Variants in BRD8 observed in about 807,000 individuals in gnomAD.
BRD8 encodes bromodomain-containing protein 8.
BRD8 carries 67 observed loss-of-function variants against 143.1 expected under a neutral mutation model. That is an observed-to-expected ratio of 0.47 (90% CI 0.38 to 0.57). The LOEUF (loss-of-function observed/expected upper bound fraction) is 0.57. Ranked by LOEUF, BRD8 falls within the 20% of genes least tolerant of loss-of-function variation. The pLI is 0.00. For missense variants in BRD8, 1,103 were observed against 1,503.0 expected, an observed-to-expected ratio of 0.73 and a Z score of 4.40; for synonymous variants, 505 against 517.1, an observed-to-expected ratio of 0.98 and a Z score of 0.32.
intron 25 of BRD8, 64 bp from the exon 26 acceptor site, chr5:138,140,946 C>A: frequency 6.4e-7 from 1 of 1,553,342 alleles, no homozygotes; most frequent in South Asian, 1.1e-5. Context: ...GATAACCTAA[C>A]ACGTTCTCTT....
At chr5:138,156,400 A>C (rs1470583116) in intron 20 of BRD8, among the ~76,000 whole-genome samples, 2 of 152,134 alleles carry the variant, frequency 1.3e-5, no homozygotes, top group African/African-American at 4.8e-5. Flanking sequence ...GGCTTCCCAA[A>C]GTGCTGGGAT....
intron 1 of BRD8, among the ~76,000 whole-genome samples, chr5:138,178,256 T>C (rs1305192051): frequency 6.6e-6 from 1 of 152,180 alleles, no homozygotes; most frequent in Non-Finnish European, 1.5e-5. Flanking sequence ...AAAAAATGAA[T>C]GGCTCTTTGA....
Position 138,171,165 on chromosome 5 carries a change from G to A in BRD8, c.237-5C>T, listed in dbSNP as rs200280288. On this transcript the variant is annotated splice_region_variant and splice_polypyrimidine_tract_variant and intron_variant, in intron 4 of 26. Transcript: ENST00000254900. ...CCCTTTTCACCTCGTTTCCGTCTGT[G>A]GAAAATTGAAAAAAAAAAATTCATA... 54 of 1,597,160 alleles carry A rather than the reference G, an allele frequency of 3.4e-5. No individual in the cohort carries two copies. The African/African-American group carries it at 6.0e-4, about 18-fold the overall frequency.
At chr5:138,162,709 GA>G (rs1397256891) in intron 15 of BRD8, among the ~76,000 whole-genome samples, 10 of 150,460 alleles carry the variant, frequency 6.6e-5, no homozygotes, top group African/African-American at 2.2e-4. Context: ...TAAAAATAAA[GA>G]AAAAGGCCAG....
rs552596205 is a variant in BRD8 at position 138,152,749 on chromosome 5, C to T, written c.2589G>A (p.Glu863=). The T allele has an allele frequency of 1.9e-6, 3 of 1,613,166 alleles. No homozygotes were observed. The highest frequency in any genetic ancestry group is 3.3e-5 in the Admixed American group (2 of 59,994). The change falls in exon 21 of 27, where the codon GAG becomes GAA. Residue 863 remains glutamate, a synonymous_variant. Coordinates refer to ENST00000254900, the MANE Select transcript of BRD8 (RefSeq NM_139199.2). The part of the protein sequence containing the change: ...AFLLSLFMGH[E]WVWLDSEQDH... ...CTTGTTCAGAATCCAGCCAAACCCA[C>T]TCGTGTCCCATCTGTAAATACACAG...
At chr5:138,166,829 A>G in intron 9 of BRD8, 102 bp from the exon 10 acceptor site, 1 of 732,554 alleles carries the variant, frequency 1.4e-6, no homozygotes, top group Non-Finnish European at 2.4e-6. Context: ...TATGGTCTCA[A>G]AGGATGAGAG....
chr5:138,172,040 A>G (rs1185853160), intron 3 of BRD8, 25 bp downstream of exon 3: 1 of 1,604,964 alleles, frequency 6.2e-7, no homozygotes, highest in Middle Eastern at 1.7e-4. Flanking sequence ...GACTGCTCTA[A>G]AAGAGCCCTT....
At chr5:138,145,088 G>C (rs1188634555) in intron 25 of BRD8, 89 bp downstream of exon 25, 22 of 1,336,470 alleles carry the variant, frequency 1.6e-5, no homozygotes, top group Non-Finnish European at 2.2e-5. Context: ...GAGTTTGTAA[G>C]TTATAAAAAT....
chr5:138,141,501 C>T (rs1257496737), intron 25 of BRD8, among the ~76,000 whole-genome samples: 2 of 152,168 alleles, frequency 1.3e-5, no homozygotes, highest in African/African-American at 4.8e-5. Flanking sequence ...AGGCACACAG[C>T]CTGAATTCCA....
At chr5:138,169,397 T>C (rs1256634887) in intron 7 of BRD8, 39 bp from the exon 8 acceptor site, 2 of 1,603,852 alleles carry the variant, frequency 1.2e-6, no homozygotes, top group East Asian at 2.2e-5. Flanking sequence ...ATCTTCAAGA[T>C]TAAATAAATG....
At chr5:138,160,631 C>G (rs1752934006) in intron 18 of BRD8, among the ~76,000 whole-genome samples, 1 of 152,188 alleles carries the variant, frequency 6.6e-6, no homozygotes, top group Non-Finnish European at 1.5e-5. Flanking sequence ...AAAAAATATA[C>G]ATTCACCATT....
intron 15 of BRD8, among the ~76,000 whole-genome samples, 172 bp downstream of exon 15, chr5:138,162,958 A>C (rs1247624232): frequency 1.3e-5 from 2 of 151,926 alleles, no homozygotes; most frequent in African/African-American, 2.4e-5. Context: ...CTGAGATCGC[A>C]CCACTGCCCT....
At chr5:138,170,522 C>T in intron 6 of BRD8, 113 bp from the exon 7 acceptor site, 1 of 1,118,106 alleles carries the variant, frequency 8.9e-7, no homozygotes, top group Non-Finnish European at 1.4e-6. Flanking sequence ...GGAAGAAAGG[C>T]CTAAACAGGA....
intron 23 of BRD8, among the ~76,000 whole-genome samples, chr5:138,146,593 TA>T (rs1006844266): frequency 6.6e-6 from 1 of 152,142 alleles, no homozygotes; most frequent in Non-Finnish European, 1.5e-5. Flanking sequence ...TGCTTTCTAA[TA>T]AAGATTTCAT....
At chr5:138,163,519 A>G in intron 14 of BRD8, 175 bp from the exon 15 acceptor site, 1 of 1,439,178 alleles carries the variant, frequency 6.9e-7, no homozygotes, top group Non-Finnish European at 9.3e-7. Flanking sequence ...GCGTTAAGTA[A>G]TTTAGAACCT....
At chr5:138,168,650 C>G (rs757142437) in intron 8 of BRD8, 2 of 1,602,582 alleles carry the variant, frequency 1.2e-6, no homozygotes, top group African/African-American at 2.7e-5. Context: ...TCCCAGGAAA[C>G]GAGGTGACTG....
chr5:138,145,997 A>G (rs917876927), intron 23 of BRD8, 119 bp from the exon 24 acceptor site: 3 of 655,390 alleles, frequency 4.6e-6, no homozygotes, highest in Non-Finnish European at 7.9e-6. Flanking sequence ...GAAGCTTTTT[A>G]TCTCCCCTTA....
intron 2 of BRD8, among the ~76,000 whole-genome samples, chr5:138,176,276 T>C (rs116412057): frequency 0.022 from 3,395 of 152,052 alleles, 57 homozygotes; most frequent in Non-Finnish European, 0.032. Context: ...GTATGAAATA[T>C]CCAGAATAGG....
At chr5:138,140,558 A>T (rs1235229065) in intron 26 of BRD8, 147 bp downstream of exon 26, 1 of 943,022 alleles carries the variant, frequency 1.1e-6, no homozygotes, top group African/African-American at 1.6e-5. Flanking sequence ...AGGGTTTTCC[A>T]AACCAGCAGG....
Sources: allele counts gnomAD v4.1 joint callset (sites outside exome capture counted in the v4.1 genomes callset), GRCh38; gene constraint gnomAD v4.1.1; transcripts MANE v1.5; gene names NCBI Gene and HGNC (gene_info 2026-07-23, HGNC 2026-07-21).